SLC38A10: variants seen among roughly 807,000 people sequenced by gnomAD.
The protein encoded by SLC38A10 is Sodium-coupled neutral amino acid transporter 10.
SLC38A10 carries 53 observed loss-of-function variants against 81.0 expected under a neutral mutation model. The observed-to-expected ratio is 0.65, with a 90% CI of 0.53 to 0.82. The LOEUF is 0.82. SLC38A10 is among the 40% of genes least tolerant of loss of function. The probability of loss-of-function intolerance (pLI) is 0.00; values close to 1 mark genes in which losing one functional copy is unlikely to be tolerated. For synonymous variants in SLC38A10, 665 were observed against 655.3 expected (o/e 1.01, Z -0.23); for missense variants, 1,471 against 1,545.0 (o/e 0.95, Z 0.80).
At chr17:81,248,888 GGCCAGAC>G (rs2062877905) in intron 14 of SLC38A10, among the ~76,000 whole-genome samples, 1 of 152,216 alleles carries the variant, frequency 6.6e-6, no homozygotes, top group Non-Finnish European at 1.5e-5. Context: ...TAGCACCCCG[GGCCAGAC>G]GCCTGCCTGC....
intron 6 of SLC38A10, 92 bp downstream of exon 6, chr17:81,280,517 A>T: frequency 6.5e-7 from 1 of 1,548,576 alleles, no homozygotes; most frequent in Non-Finnish European, 8.8e-7. Flanking sequence ...GCAAAGAGCG[A>T]TCACAGTAAA....
Position 81,277,034 on chromosome 17 carries a change from G to C in SLC38A10, c.726C>G (p.Val242=). ...GAGGGCGTGGCAAGGCTCTTACCAT[G>C]ACGTAGAAGGTGGTGACCACATTAA... ...SSLNVVTTFY[V]MVGFFGYVSF... Residue 242 remains valine, a synonymous_variant, in exon 7 of 16, where the codon GTC becomes GTG. Transcript: ENST00000374759. The surrounding 1 kb of genome is among the most constrained non-coding windows in gnomAD (Gnocchi z 4.5). The C allele has an allele frequency of 6.2e-7, 1 of 1,613,766 alleles. No homozygotes were observed. Among genetic ancestry groups the C allele is most frequent in the Non-Finnish European group, 8.5e-7 (1 of 1,179,750 alleles).
At chr17:81,271,171 T>C in intron 9 of SLC38A10, 147 bp from the exon 10 acceptor site, 1 of 665,884 alleles carries the variant, frequency 1.5e-6, no homozygotes, top group Non-Finnish European at 2.6e-6. Context: ...ACGCCCTCTG[T>C]GCCCAGAAAG....
At chr17:81,294,721 G>A in intron 1 of SLC38A10, 102 bp downstream of exon 1, 1 of 1,106,764 alleles carries the variant, frequency 9.0e-7, no homozygotes, top group Non-Finnish European at 1.2e-6. Context: ...CACCCGCCCA[G>A]CGAAGCCCTG....
intron 11 of SLC38A10, among the ~76,000 whole-genome samples, chr17:81,258,239 CAGGG>C (rs902571787): frequency 6.6e-6 from 1 of 152,228 alleles, no homozygotes; most frequent in Non-Finnish European, 1.5e-5. Context: ...AGCAGTCTGA[CAGGG>C]AGCGCACATC....
In SLC38A10 at chr17:81,276,944, G is replaced by A; in HGVS notation, c.729+87C>T. On this transcript the variant is annotated intron_variant, in intron 7 of 15. Coordinates refer to ENST00000374759, the MANE Select transcript of SLC38A10 (RefSeq NM_001037984.3). This position sits in a 1 kb window ranked among gnomAD's most constrained non-coding sequence, Gnocchi z 4.7. ...AAAACCCAGCAGCACACAGGGCCAG[G>A]GCCATGCCTGTGGCAGTCCCACGGG... The A allele has an allele frequency of 7.4e-7, 1 of 1,343,824 alleles. No homozygotes were observed. Among genetic ancestry groups the A allele is most frequent in the Non-Finnish European group, 1.1e-6 (1 of 939,020 alleles). The allele number at this position is 1,343,824 out of a possible 1,614,324, so 83.2% of individuals were successfully genotyped here. A position where few individuals can be genotyped will look rare whatever the true frequency, so the allele number is the denominator to read the frequency against.
rs1469648803 is a variant in SLC38A10 at position 81,289,331 on chromosome 17, C to T, written c.217+360G>A. Reference sequence around the variant, plus strand: ...TGCTGGGATTACAGGCACGAGCCACCACGCCCGGCAGGTTTTTTTTTTAAC... The same window carrying T: ...TGCTGGGATTACAGGCACGAGCCACTACGCCCGGCAGGTTTTTTTTTTAAC... On this transcript the variant is annotated intron_variant, in intron 2 of 15. Transcript: ENST00000374759. The surrounding 1 kb of genome is among the most constrained non-coding windows in gnomAD (Gnocchi z 5.9). Among the ~76,000 whole-genome samples the T allele has an allele frequency of 6.6e-6, 1 of 151,986 alleles. No individual in the cohort carries two copies. The highest frequency in any genetic ancestry group is 2.4e-5 in the African/African-American group (1 of 41,380).
Position 81,276,083 on chromosome 17 carries a change from G to A in SLC38A10, c.798C>T (p.Ser266=), listed in dbSNP as rs1452275635. 6.2e-7 allele frequency: 1 copy of A among 1,613,868 alleles called. No individual in the cohort carries two copies. Among genetic ancestry groups the A allele is most frequent in the Admixed American group, 1.7e-5 (1 of 60,004 alleles). ...CACGGAGCATCTCCGTCACCAGGTT[G>A]GAGGGAAAGTGCATGAGCACGTTGC... ...TAGNVLMHFP[S]NLVTEMLRVG... is the part of the protein sequence containing the mutation. Residue 266 remains serine (S), a synonymous_variant, in exon 8 of 16, where the codon TCC becomes TCT. Coordinates refer to ENST00000374759, the MANE Select transcript of SLC38A10 (RefSeq NM_001037984.3). This position sits in a 1 kb window ranked among gnomAD's most constrained non-coding sequence, Gnocchi z 4.7.
At chr17:81,285,202 C>A in intron 2 of SLC38A10, 1 of 272,960 alleles carries the variant, frequency 3.7e-6, no homozygotes, top group Non-Finnish European at 6.9e-6. Context: ...CCGGTGACCA[C>A]TGGGGGCCGG....
At chr17:81,272,446 G>A in intron 9 of SLC38A10, 70 bp downstream of exon 9, 17 of 954,524 alleles carry the variant, frequency 1.8e-5, no homozygotes, top group Non-Finnish European at 2.2e-5. Flanking sequence ...TCTCGTAACT[G>A]TGCAGGTCTT....
Position 81,252,669 on chromosome 17 carries a change from C to T in SLC38A10, c.1471G>A (p.Val491Met). Residue 491 changes from valine to methionine, a missense_variant, in exon 13 of 16, where the codon GTG becomes ATG. Around this residue, in one of 2 missense-constraint regions of SLC38A10, gnomAD observed 720 missense variants for 827.7 expected, o/e 0.87. Coordinates refer to ENST00000374759, the MANE Select transcript of SLC38A10 (RefSeq NM_001037984.3). The stretch of plus-strand genomic sequence containing the variant: ...GGCTCGTGGCGGTGGGCCTCGCCCA[C>T]AGGCACAGCAATCCCTGCAAGGGCA... ...DRPGQGIAVP[V>M]GEAHRHEPPV... 1 of 1,603,650 alleles carries T rather than the reference C, an allele frequency of 6.2e-7. No individual in the cohort carries two copies. The highest frequency in any genetic ancestry group is 8.5e-7 in the Non-Finnish European group (1 of 1,178,128).
chr17:81,282,276 G>T lies in SLC38A10; in HGVS notation c.414C>A (p.Leu138=). The T allele has an allele frequency of 6.2e-7, 1 of 1,613,540 alleles. No individual in the cohort carries two copies. The highest frequency in any genetic ancestry group is 8.5e-7 in the Non-Finnish European group (1 of 1,180,026). The change falls in exon 5 of 16, where the codon CTC becomes CTA. Residue 138 remains leucine, a synonymous_variant. Transcript: ENST00000374759. The part of the protein sequence containing the change: ...LLFAVSLCIV[L]PLSLQRNMMA... ...TCATGTTCCGCTGCAGGCTGAGCGGGAGCACGATGCACAGCGACACGGCGA... is the reference window on the plus strand; with the variant it reads ...TCATGTTCCGCTGCAGGCTGAGCGGTAGCACGATGCACAGCGACACGGCGA...
At chr17:81,254,096 C>T (rs1298336169) in intron 11 of SLC38A10, among the ~76,000 whole-genome samples, 1 of 152,218 alleles carries the variant, frequency 6.6e-6, no homozygotes, top group Non-Finnish European at 1.5e-5. Flanking sequence ...CCACCACCGC[C>T]ATCACCACCT....
At chr17:81,273,794 G>T (rs757440741) in intron 8 of SLC38A10, among the ~76,000 whole-genome samples, 1 of 152,192 alleles carries the variant, frequency 6.6e-6, no homozygotes, top group African/African-American at 2.4e-5. Context: ...GGTCAAGGGT[G>T]AAGGAGCAGT....
At chr17:81,251,960 C>CA in intron 13 of SLC38A10, 1 of 654,678 alleles carries the variant, frequency 1.5e-6, no homozygotes, top group Non-Finnish European at 2.4e-6. Flanking sequence ...CACAGCGCGG[C>CA]ACCTGACATT....
intron 14 of SLC38A10, among the ~76,000 whole-genome samples, chr17:81,250,517 C>T (rs1483447691): frequency 2.0e-5 from 3 of 152,254 alleles, no homozygotes; most frequent in Admixed American, 6.5e-5. Flanking sequence ...GGAGCTCCCA[C>T]ACCTGCTCCC....
intron 11 of SLC38A10, among the ~76,000 whole-genome samples, chr17:81,255,771 G>GGATC (rs775362809): frequency 1.5e-4 from 23 of 152,170 alleles, no homozygotes; most frequent in Non-Finnish European, 2.2e-4. Flanking sequence ...CGAGGCAGGA[G>GGATC]GATCACTTGA....
chr17:81,264,982 T>C (rs2063057806), intron 10 of SLC38A10: 1 of 152,270 alleles, frequency 6.6e-6, no homozygotes. Context: ...AGGCACCTTC[T>C]AAGCCACCTG....
intron 6 of SLC38A10, chr17:81,279,862 C>T (rs1361235803): frequency 4.9e-6 from 1 of 203,358 alleles, no homozygotes; most frequent in Non-Finnish European, 1.0e-5. Context: ...CCAAGAGAGA[C>T]GCTAAGTGGG....
Sources: gnomAD v4.1 joint callset for allele counts (sites outside exome capture counted in the v4.1 genomes callset) on GRCh38, gnomAD v4.1.1 for gene constraint, gnomAD v4.1.1 regional missense constraint, Gnocchi (gnomAD v3.1) non-coding constraint, MANE v1.5 for transcripts, NCBI Gene and HGNC (gene_info 2026-07-23, HGNC 2026-07-21) for gene names.